Variants in ADAT3 observed in about 807,000 individuals in gnomAD.
ADAT3 encodes the protein tRNA-specific adenosine-34 deaminase regulatory subunit ADAT3.
A neutral mutation model predicts 3.5 loss-of-function variants in ADAT3; 2 were observed. The observed-to-expected ratio is 0.57, with a 90% confidence interval of 0.23 to 1.79. ADAT3 has a LOEUF of 1.79. ADAT3 is among the 40% of genes most tolerant of loss of function. The pLI is 0.18. For missense variants in ADAT3, 735 were observed against 571.4 expected (o/e 1.29, Z -2.92); for synonymous variants, 358 against 270.3 (o/e 1.32, Z -3.18).
Position 1,908,405 on chromosome 19 carries a change from G to T in ADAT3, c.-159+2966G>T. ...TCTGTGGGGCGCCCCGGCGGCTGAG[G>T]CGTGGACCAGGCAGTGCATGTCGAG... On this transcript the variant is annotated intron_variant, in intron 1 of 1. Coordinates refer to ENST00000329478, the MANE Select transcript of ADAT3 (RefSeq NM_138422.4). The surrounding 1 kb of genome is among the most constrained non-coding windows in gnomAD (Gnocchi z 4.2). 1 of 441,692 alleles carries T rather than the reference G, an allele frequency of 2.3e-6. No homozygotes were observed. The highest frequency in any genetic ancestry group is 2.5e-5 in the Admixed American group (1 of 40,310). The allele number at this position is 441,692 out of a possible 1,614,324, so 27.4% of individuals were successfully genotyped here.
At position 1,912,024 on chromosome 19, in the gene ADAT3, C is replaced by T; in HGVS notation, c.-24C>T. ...CTCCCGGGACGGACTCCCCGGCTCT[C>T]CCCCAGCCGCCCGCAGCCGCCGGAT... On this transcript the variant is annotated 5_prime_UTR_variant, in exon 2 of 2. Coordinates refer to ENST00000329478, the MANE Select transcript of ADAT3 (RefSeq NM_138422.4). The T allele has an allele frequency of 8.5e-6, 12 of 1,417,352 alleles. No homozygotes were observed. Among genetic ancestry groups the T allele is most frequent in the East Asian group, 2.7e-5 (1 of 36,512 alleles). The allele number at this position is 1,417,352 out of a possible 1,614,324, so 87.8% of individuals were successfully genotyped here. A position where few individuals can be genotyped will look rare whatever the true frequency, so the allele number is the denominator to read the frequency against.
At position 1,912,359 on chromosome 19, in the gene ADAT3, C is replaced by T. The variant is rs1264182146; in HGVS notation, c.312C>T (p.His104=). Residue 104 remains histidine (H), a synonymous_variant, in exon 2 of 2, where the codon CAC becomes CAT. Transcript: ENST00000329478. Reference sequence around the variant, plus strand: ...CCAGCCGCGATGCCGGCAGCCCCCACGCCCTGGAGATGCTGCTTTGCCTGG... The same window carrying T: ...CCAGCCGCGATGCCGGCAGCCCCCATGCCCTGGAGATGCTGCTTTGCCTGG... ...VRPSRDAGSP[H]ALEMLLCLAG... 2.0e-6 allele frequency: 3 copies of T among 1,529,100 alleles called. No individual in the cohort carries two copies. Among genetic ancestry groups the T allele is most frequent in the Non-Finnish European group, 2.6e-6 (3 of 1,145,658 alleles). 94.7% of individuals were successfully genotyped at this position (1,529,100 alleles called of 1,614,324 possible). A position where few individuals can be genotyped will look rare whatever the true frequency, so the allele number is the denominator to read the frequency against.
At chr19:1,911,810 G>T (rs2013464762) in intron 1 of ADAT3, 80 bp from the exon 2 acceptor site, 7 of 421,694 alleles carry the variant, frequency 1.7e-5, no homozygotes, top group African/African-American at 2.0e-5. Context: ...AAAAAAAAAA[G>T]AAAATGATCT....
intron 1 of ADAT3, chr19:1,905,726 G>C (rs8100159): frequency 0.27 from 41,752 of 152,234 alleles, 6,640 homozygotes; most frequent in African/African-American, 0.41. Flanking sequence ...CCTTATGGTC[G>C]GTGCGGGAGA....
chr19:1,912,443 C>G lies in ADAT3; in HGVS notation c.396C>G (p.Asp132Glu). 5 of 1,507,346 alleles carry G rather than the reference C, an allele frequency of 3.3e-6. No homozygotes were observed. In the South Asian group the frequency reaches 4.9e-5, roughly 15 times the overall value. 93.4% of individuals were successfully genotyped at this position (1,507,346 alleles called of 1,614,324 possible). A position where few individuals can be genotyped will look rare whatever the true frequency, so the allele number is the denominator to read the frequency against. ...AGCTCCTGCCACGGCCGGCTGTGGA[C>G]CCCCGCGGCCTGGGGCAACCCTTCC... is the stretch of plus-strand genomic sequence containing the variant. ...LAELLPRPAV[D>E]PRGLGQPFLV... Residue 132 changes from aspartate to glutamate, a missense_variant, in exon 2 of 2, where the codon GAC becomes GAG. Physicochemically the swap from Asp to Glu is conservative, Grantham distance 45 (BLOSUM62 2). Coordinates refer to ENST00000329478, the MANE Select transcript of ADAT3 (RefSeq NM_138422.4).
At position 1,912,343 on chromosome 19, in the gene ADAT3, A is replaced by T; in HGVS notation, c.296A>T (p.Asp99Val). ...PHLKRVRPSRDAGSPHALEML... is the reference protein window; with the variant it reads ...PHLKRVRPSRVAGSPHALEML... ...CTCAAGCGGGTGCGGCCCAGCCGCGATGCCGGCAGCCCCCACGCCCTGGAG... is the reference window on the plus strand; with the variant it reads ...CTCAAGCGGGTGCGGCCCAGCCGCGTTGCCGGCAGCCCCCACGCCCTGGAG... Residue 99 changes from aspartate to valine, a missense_variant, in exon 2 of 2, where the codon GAT becomes GTT. By Grantham distance (152) the Asp-to-Val change is radical. Transcript: ENST00000329478. 3 of 1,533,548 alleles carry T rather than the reference A, an allele frequency of 2.0e-6. No individual in the cohort carries two copies. The highest frequency in any genetic ancestry group is 5.1e-5 in the East Asian group (2 of 39,068). The allele number at this position is 1,533,548 out of a possible 1,614,324, so 95.0% of individuals were successfully genotyped here. A position where few individuals can be genotyped will look rare whatever the true frequency, so the allele number is the denominator to read the frequency against.
chr19:1,912,144 G>C lies in ADAT3; in HGVS notation c.97G>C (p.Gly33Arg). 4 of 1,562,408 alleles carry C rather than the reference G, an allele frequency of 2.6e-6. No homozygotes were observed. Among genetic ancestry groups the C allele is most frequent in the African/African-American group, 2.7e-5 (2 of 73,738 alleles). The change falls in exon 2 of 2, where the codon GGG (glycine) becomes CGG (arginine). Residue 33 changes from glycine (G) to arginine (R), a missense_variant. Coordinates refer to ENST00000329478, the MANE Select transcript of ADAT3 (RefSeq NM_138422.4). ...GGAGCAGCCCAAGTGCTTGGAGGCC[G>C]GGAGCCCGGAGCCTGAGCCGGCGCC... is the stretch of plus-strand genomic sequence containing the variant. ...LVEQPKCLEA[G>R]SPEPEPAPWQ...
chr19:1,911,933 TG>T lies in ADAT3; in HGVS notation c.-112del. ...GGAGTGTAGCTCTGATGCGGTGACC[TG>T]GGCCGGAGCCCTCGGACTAGCCTCA... On this transcript the variant is annotated 5_prime_UTR_variant, in exon 2 of 2. It introduces an in-frame stop codon into an upstream open reading frame of the 5' UTR. Coordinates refer to ENST00000329478, the MANE Select transcript of ADAT3 (RefSeq NM_138422.4). 1.5e-6 allele frequency: 2 copies of T among 1,332,558 alleles called. No individual in the cohort carries two copies. The highest frequency in any genetic ancestry group is 1.9e-6 in the Non-Finnish European group (2 of 1,026,620). 82.5% of individuals were successfully genotyped at this position (1,332,558 alleles called of 1,614,324 possible).
At position 1,908,890 on chromosome 19, in the gene ADAT3, G is replaced by T. The variant is rs2013282982; in HGVS notation, c.-158-3000G>T. ...AGGCTGAGGCAGGTGGATCACCTGAGGTCAGGAGTTCCAAGACCAGCCTGG... is the reference window on the plus strand; with the variant it reads ...AGGCTGAGGCAGGTGGATCACCTGATGTCAGGAGTTCCAAGACCAGCCTGG... On this transcript the variant is annotated intron_variant, in intron 1 of 1. Transcript: ENST00000329478. The surrounding 1 kb of genome is among the most constrained non-coding windows in gnomAD (Gnocchi z 4.2). 6.6e-6 allele frequency among the ~76,000 whole-genome samples: 1 copy of T among 151,962 alleles called. No individual in the cohort carries two copies. The highest frequency in any genetic ancestry group is 2.1e-4 in the South Asian group (1 of 4,830).
chr19:1,913,296 CTT>C lies in ADAT3; in HGVS notation c.*146_*147del. The C allele has an allele frequency of 8.0e-7, 1 of 1,254,346 alleles. No homozygotes were observed. The highest frequency in any genetic ancestry group is 1.1e-6 in the Non-Finnish European group (1 of 926,552). The allele number at this position is 1,254,346 out of a possible 1,614,324, so 77.7% of individuals were successfully genotyped here. ...CTCCAGCGGGGAGCACGGGTGCTGC[CTT>C]CCGTGCGGATCGAGCTTTCCTGGAC... On this transcript the variant is annotated 3_prime_UTR_variant, in exon 2 of 2. Coordinates refer to ENST00000329478, the MANE Select transcript of ADAT3 (RefSeq NM_138422.4).
chr19:1,912,928 T>C lies in ADAT3; in HGVS notation c.881T>C (p.Leu294Pro), dbSNP rs767469574. The C allele has an allele frequency of 6.2e-7, 1 of 1,610,266 alleles. No individual in the cohort carries two copies. Among genetic ancestry groups the C allele is most frequent in the Non-Finnish European group, 8.5e-7 (1 of 1,179,296 alleles). ...LDADEDGLPY[L>P]CTGYDLYVTR... ...GCAGACGAGGACGGCCTCCCCTACC[T>C]GTGCACTGGCTACGACCTGTACGTG... is the stretch of plus-strand genomic sequence containing the variant. Residue 294 changes from leucine to proline, a missense_variant, in exon 2 of 2, where the codon CTG becomes CCG. Physicochemically the swap from Leu to Pro is moderately conservative, Grantham distance 98 (BLOSUM62 -3). Transcript: ENST00000329478.
rs534034711 is a variant in ADAT3, at chr19:1,911,364, G to A, written c.-158-526G>A. 1.1e-3 allele frequency among the ~76,000 whole-genome samples: 161 copies of A among 152,118 alleles called. 1 individual carries two copies. The highest frequency in any genetic ancestry group is 1.8e-3 in the Non-Finnish European group (119 of 68,000). Reference sequence around the variant, plus strand: ...TTTTTTGATATTTAGTAGAAATGGGGTGTTGTTATGTTGCCTAGGCTGGTC... The same window carrying A: ...TTTTTTGATATTTAGTAGAAATGGGATGTTGTTATGTTGCCTAGGCTGGTC... On this transcript the variant is annotated intron_variant, in intron 1 of 1. Transcript: ENST00000329478.
At position 1,912,909 on chromosome 19, in the gene ADAT3, G is replaced by A. The variant is rs1208847224; in HGVS notation, c.862G>A (p.Glu288Lys). The change falls in exon 2 of 2, where the codon GAG becomes AAG. Residue 288 changes from glutamate to lysine, a missense_variant. Physicochemically the swap from Glu to Lys is moderately conservative, Grantham distance 56 (BLOSUM62 1). Coordinates refer to ENST00000329478, the MANE Select transcript of ADAT3 (RefSeq NM_138422.4). ...CGCCGTGCGTAAACTGGACGCAGACGAGGACGGCCTCCCCTACCTGTGCAC... is the reference window on the plus strand; with the variant it reads ...CGCCGTGCGTAAACTGGACGCAGACAAGGACGGCCTCCCCTACCTGTGCAC... ...AGAVRKLDAD[E>K]DGLPYLCTGY... 3 of 1,609,250 alleles carry A rather than the reference G, an allele frequency of 1.9e-6. No homozygotes were observed. The highest frequency in any genetic ancestry group is 1.7e-4 in the Middle Eastern group (1 of 6,058).
rs1262046112 is a variant in ADAT3 at position 1,912,185 on chromosome 19, T to C, written c.138T>C (p.Pro46=). The C allele has an allele frequency of 1.3e-6, 2 of 1,581,902 alleles. No homozygotes were observed. Among genetic ancestry groups the C allele is most frequent in the Non-Finnish European group, 1.7e-6 (2 of 1,168,222 alleles). The change falls in exon 2 of 2, where the codon CCT becomes CCC. Residue 46 remains proline, a synonymous_variant. Coordinates refer to ENST00000329478, the MANE Select transcript of ADAT3 (RefSeq NM_138422.4). ...EPEPAPWQAL[P]VLSEKQSGDV... ...AGCCGGCGCCGTGGCAGGCCCTCCC[T>C]GTCCTGTCCGAGAAGCAGTCAGGGG...
At chr19:1,909,676 G>A (rs1405776829) in intron 1 of ADAT3, among the ~76,000 whole-genome samples, 1 of 152,212 alleles carries the variant, frequency 6.6e-6, no homozygotes, top group African/African-American at 2.4e-5. Flanking sequence ...AGCCGCCTTG[G>A]CACACTGCCC....
At chr19:1,907,859 A>G (rs1034426870) in intron 1 of ADAT3, among the ~76,000 whole-genome samples, 1 of 152,100 alleles carries the variant, frequency 6.6e-6, no homozygotes, top group East Asian at 1.9e-4. Context: ...CCCCCGGGCC[A>G]TAGCAGGTAG....
rs1405580135 is a variant in ADAT3 at position 1,913,172 on chromosome 19, G to C, written c.*21G>C. On this transcript the variant is annotated 3_prime_UTR_variant, in exon 2 of 2. Coordinates refer to ENST00000329478, the MANE Select transcript of ADAT3 (RefSeq NM_138422.4). ...CGTAGGCGCCGCCCTCCTGCCTCCG[G>C]ACCCTTCCCGCTCCCGGCCGTGGGG... 1 of 1,501,258 alleles carries C rather than the reference G, an allele frequency of 6.7e-7. No individual in the cohort carries two copies. Among genetic ancestry groups the C allele is most frequent in the African/African-American group, 1.4e-5 (1 of 71,762 alleles). The allele number at this position is 1,501,258 out of a possible 1,614,324, so 93.0% of individuals were successfully genotyped here. A position where few individuals can be genotyped will look rare whatever the true frequency, so the allele number is the denominator to read the frequency against.
Position 1,911,904 on chromosome 19 carries a change from T to C in ADAT3, c.-144T>C, listed in dbSNP as rs1010322695. 9 of 1,052,202 alleles carry C rather than the reference T, an allele frequency of 8.6e-6. No homozygotes were observed. The African/African-American group carries it at 1.2e-4, about 14-fold the overall frequency. The allele number at this position is 1,052,202 out of a possible 1,614,324, so 65.2% of individuals were successfully genotyped here. On this transcript the variant is annotated 5_prime_UTR_variant, in exon 2 of 2. It removes an upstream start codon present in the reference 5' UTR. Coordinates refer to ENST00000329478, the MANE Select transcript of ADAT3 (RefSeq NM_138422.4). ...GTGCACACCAGGGGTTAGCAGGACA[T>C]GAGGGAGTGTAGCTCTGATGCGGTG...
intron 1 of ADAT3, chr19:1,907,940 T>TC (rs1236968598): frequency 2.6e-5 from 4 of 153,960 alleles, no homozygotes; most frequent in Non-Finnish European, 5.8e-5. Context: ...CTGTGCCTGT[T>TC]CCGGGATTTT....
Sources: allele counts gnomAD v4.1 joint callset (sites outside exome capture counted in the v4.1 genomes callset), GRCh38; gene constraint gnomAD v4.1.1; non-coding constraint Gnocchi (gnomAD v3.1); transcripts MANE v1.5; gene names NCBI Gene and HGNC (gene_info 2026-07-23, HGNC 2026-07-21).